Variants in SOD3 observed in about 807,000 individuals in gnomAD.
SOD3 encodes extracellular superoxide dismutase [Cu-Zn].
In SOD3, 3 loss-of-function variants were observed where a neutral mutation model predicts 2.6. That is an observed-to-expected ratio of 1.13 (90% confidence interval 0.52 to 2.93). The LOEUF (loss-of-function observed/expected upper bound fraction) is 2.93. Ranked by LOEUF, SOD3 falls within the 30% of genes most tolerant of loss-of-function variation. The pLI, the probability that SOD3 is intolerant of heterozygous loss-of-function variation, is 0.04. For synonymous variants in SOD3, 188 were observed against 177.5 expected, an observed-to-expected ratio of 1.06 and a Z score of -0.47; for missense variants, 379 against 370.4, an observed-to-expected ratio of 1.02 and a Z score of -0.19.
Position 24,799,838 on chromosome 4 carries a change from C to A in SOD3, c.317C>A (p.Pro106Gln), listed in dbSNP as rs768544851. 3 of 1,601,510 alleles carry A rather than the reference C, an allele frequency of 1.9e-6. No individual in the cohort carries two copies. The change falls in exon 2 of 2, where the codon CCG (proline) becomes CAG (glutamine). Residue 106 changes from proline (P) to glutamine (Q), a missense_variant. Pro to Gln is a moderately conservative substitution (Grantham distance 76). Coordinates refer to ENST00000382120, the MANE Select transcript of SOD3 (RefSeq NM_003102.4). ...GCCCTGGAGGGCTTCCCGACCGAGC[C>A]GAACAGCTCCAGCCGCGCCATCCAC... ...FFALEGFPTE[P>Q]NSSSRAIHVH...
chr4:24,799,574 C>A lies in SOD3; in HGVS notation c.53C>A (p.Ala18Asp), dbSNP rs1372615788. 1 of 1,602,596 alleles carries A rather than the reference C, an allele frequency of 6.2e-7. No homozygotes were observed. Among genetic ancestry groups the A allele is most frequent in the African/African-American group, 1.3e-5 (1 of 74,892 alleles). Residue 18 changes from alanine (A) to aspartate (D), a missense_variant, in exon 2 of 2, where the codon GCC becomes GAC. Ala to Asp is a moderately radical substitution (Grantham distance 126, BLOSUM62 -2). Transcript: ENST00000382120. ...CTCCTGGCAGCCGGTGCCTCGGACG[C>A]CTGGACGGGCGAGGACTCGGCGGAG... The part of the protein sequence containing the change: ...CLLLAAGASD[A>D]WTGEDSAEPN...
rs765929326 is a variant in SOD3, at chr4:24,799,511, C to T, written c.-11C>T. The T allele has an allele frequency of 3.8e-6, 6 of 1,597,036 alleles. No individual in the cohort carries two copies. Among genetic ancestry groups the T allele is most frequent in the African/African-American group, 1.3e-5 (1 of 74,872 alleles). ...TCCGCGGGGGCGTCCCGCAGGTGCCCGACTCCAGCCATGCTGGCGCTACTG... is the reference window on the plus strand; with the variant it reads ...TCCGCGGGGGCGTCCCGCAGGTGCCTGACTCCAGCCATGCTGGCGCTACTG... On this transcript the variant is annotated 5_prime_UTR_variant, in exon 2 of 2. Transcript: ENST00000382120.
chr4:24,797,469 C>T (rs1366199591), intron 1 of SOD3, among the ~76,000 whole-genome samples: 1 of 152,182 alleles, frequency 6.6e-6, no homozygotes, highest in Non-Finnish European at 1.5e-5. Context: ...TGTCTGGCGC[C>T]TGTGTTCGAT....
chr4:24,799,370 A>G, intron 1 of SOD3, 136 bp from the exon 2 acceptor site: 7 of 1,004,926 alleles, frequency 7.0e-6, no homozygotes, highest in Non-Finnish European at 9.9e-6. Context: ...CGTTTGCCAC[A>G]TGAAGTCATG....
Position 24,800,493 on chromosome 4 carries a change from C to G in SOD3, c.*249C>G. 1 of 371,290 alleles carries G rather than the reference C, an allele frequency of 2.7e-6. No homozygotes were observed. The highest frequency in any genetic ancestry group is 5.0e-6 in the Non-Finnish European group (1 of 200,502). 23.0% of individuals were successfully genotyped at this position (371,290 alleles called of 1,614,324 possible). The stretch of plus-strand genomic sequence containing the variant: ...GAAGGCCTCCATTTGTACCGAAACA[C>G]CCCGCTCACGCTGACAGCCTCCTAG... On this transcript the variant is annotated 3_prime_UTR_variant, in exon 2 of 2. Coordinates refer to ENST00000382120, the MANE Select transcript of SOD3 (RefSeq NM_003102.4).
chr4:24,799,982 G>A lies in SOD3; in HGVS notation c.461G>A (p.Gly154Asp). The A allele has an allele frequency of 5.7e-6, 9 of 1,582,454 alleles. No homozygotes were observed. Among genetic ancestry groups the A allele is most frequent in the Non-Finnish European group, 7.7e-6 (9 of 1,172,550 alleles). Reference sequence around the variant, plus strand: ...TTCGGCAACTTCGCGGTCCGCGACGGCAGCCTCTGGAGGTACCGCGCCGGC... The same window carrying A: ...TTCGGCAACTTCGCGGTCCGCGACGACAGCCTCTGGAGGTACCGCGCCGGC... ...GDFGNFAVRD[G>D]SLWRYRAGLA... is the part of the protein sequence containing the mutation. Residue 154 changes from glycine (G) to aspartate (D), a missense_variant, in exon 2 of 2, where the codon GGC becomes GAC. Coordinates refer to ENST00000382120, the MANE Select transcript of SOD3 (RefSeq NM_003102.4).
At position 24,800,519 on chromosome 4, in the gene SOD3, G is replaced by C. The variant is rs1713865662; in HGVS notation, c.*275G>C. ...CCCGCTCACGCTGACAGCCTCCTAG[G>C]CTCCCTGAGGTACCTTTCCACCCAG... On this transcript the variant is annotated 3_prime_UTR_variant, in exon 2 of 2. Transcript: ENST00000382120. The C allele has an allele frequency of 9.1e-6, 3 of 331,342 alleles. No individual in the cohort carries two copies. The highest frequency in any genetic ancestry group is 1.7e-5 in the Non-Finnish European group (3 of 174,928). The allele number at this position is 331,342 out of a possible 1,614,324, so 20.5% of individuals were successfully genotyped here. A position where few individuals can be genotyped will look rare whatever the true frequency, so the allele number is the denominator to read the frequency against.
intron 1 of SOD3, among the ~76,000 whole-genome samples, chr4:24,798,205 T>G (rs17882785): frequency 0.022 from 3,407 of 152,164 alleles, 118 homozygotes; most frequent in African/African-American, 0.075. Flanking sequence ...CCCTGCCAGC[T>G]TCATCTCCTC....
In SOD3 at chr4:24,799,612, T is replaced by C. The variant is rs1271638740; in HGVS notation, c.91T>C (p.Ser31Pro). Residue 31 changes from serine to proline, a missense_variant, in exon 2 of 2, where the codon TCG becomes CCG. Ser to Pro is a moderately conservative substitution (Grantham distance 74). Coordinates refer to ENST00000382120, the MANE Select transcript of SOD3 (RefSeq NM_003102.4). The part of the protein sequence containing the change: ...GEDSAEPNSD[S>P]AEWIRDMYAK... ...GGACTCGGCGGAGCCCAACTCTGAC[T>C]CGGCGGAGTGGATCCGAGACATGTA... 11 of 1,604,528 alleles carry C rather than the reference T, an allele frequency of 6.9e-6. No homozygotes were observed. The highest frequency in any genetic ancestry group is 6.7e-5 in the East Asian group (3 of 44,694).
At chr4:24,797,566 G>GAAAACT (rs1713708586) in intron 1 of SOD3, among the ~76,000 whole-genome samples, 1 of 152,208 alleles carries the variant, frequency 6.6e-6, no homozygotes, top group Admixed American at 6.5e-5. Context: ...TTACAGATGA[G>GAAAACT]AAAACTGAGG....
At position 24,800,213 on chromosome 4, in the gene SOD3, G is replaced by C; in HGVS notation, c.692G>C (p.Arg231Pro). The change falls in exon 2 of 2, where the codon CGG becomes CCG. Residue 231 changes from arginine to proline, a missense_variant. Coordinates refer to ENST00000382120, the MANE Select transcript of SOD3 (RefSeq NM_003102.4). The stretch of plus-strand genomic sequence containing the variant: ...CGGGAGCACTCAGAGCGCAAGAAGC[G>C]GCGGCGCGAGAGCGAGTGCAAGGCC... ...QAREHSERKK[R>P]RRESECKAA 3 of 1,431,644 alleles carry C rather than the reference G, an allele frequency of 2.1e-6. No homozygotes were observed. The highest frequency in any genetic ancestry group is 2.7e-6 in the Non-Finnish European group (3 of 1,098,046). 88.7% of individuals were successfully genotyped at this position (1,431,644 alleles called of 1,614,324 possible). A position where few individuals can be genotyped will look rare whatever the true frequency, so the allele number is the denominator to read the frequency against.
intron 1 of SOD3, 50 bp from the exon 2 acceptor site, chr4:24,799,456 C>G: frequency 6.4e-7 from 1 of 1,567,724 alleles, no homozygotes; most frequent in Non-Finnish European, 8.6e-7. Flanking sequence ...TTCTATGTTT[C>G]ACGTGACTAA....
chr4:24,799,733 T>G lies in SOD3; in HGVS notation c.212T>G (p.Leu71Arg). Residue 71 changes from leucine to arginine, a missense_variant, in exon 2 of 2, where the codon CTG becomes CGG. Transcript: ENST00000382120. ...AACQVQPSAT[L>R]DAAQPRVTGV... ...TGCCAGGTGCAGCCGTCGGCCACGC[T>G]GGACGCCGCGCAGCCCCGGGTGACC... is the stretch of plus-strand genomic sequence containing the variant. 1 of 1,562,710 alleles carries G rather than the reference T, an allele frequency of 6.4e-7. No homozygotes were observed. Among genetic ancestry groups the G allele is most frequent in the Non-Finnish European group, 8.6e-7 (1 of 1,159,706 alleles).
Position 24,800,386 on chromosome 4 carries a change from A to C in SOD3, c.*142A>C. ...AGTCTCCCCGCAGCCCTCTCCACCCAGAGGTCTCCCTATACCGAGACCCAC... is the reference window on the plus strand; with the variant it reads ...AGTCTCCCCGCAGCCCTCTCCACCCCGAGGTCTCCCTATACCGAGACCCAC... On this transcript the variant is annotated 3_prime_UTR_variant, in exon 2 of 2. Coordinates refer to ENST00000382120, the MANE Select transcript of SOD3 (RefSeq NM_003102.4). 1.1e-6 allele frequency: 1 copy of C among 890,990 alleles called. No homozygotes were observed. Among genetic ancestry groups the C allele is most frequent in the Non-Finnish European group, 1.5e-6 (1 of 652,168 alleles). The allele number at this position is 890,990 out of a possible 1,614,324, so 55.2% of individuals were successfully genotyped here.
chr4:24,799,410 TGG>T, intron 1 of SOD3, 94 bp from the exon 2 acceptor site: 1 of 1,419,730 alleles, frequency 7.0e-7, no homozygotes, highest in Non-Finnish European at 9.4e-7. Context: ...CACTGGGGAC[TGG>T]GGGGTTGGTT....
At chr4:24,799,430 A>G in intron 1 of SOD3, 76 bp from the exon 2 acceptor site, 1 of 1,511,868 alleles carries the variant, frequency 6.6e-7, no homozygotes. Context: ...GTTCTGCGAT[A>G]ATGGGGTCCC....
intron 1 of SOD3, among the ~76,000 whole-genome samples, chr4:24,796,421 C>T (rs1256005803): frequency 6.8e-6 from 1 of 147,940 alleles, no homozygotes; most frequent in Non-Finnish European, 1.5e-5. Context: ...TTTCCTCCTC[C>T]TCCTCCTTCT....
rs1356356589 is a variant in SOD3, at chr4:24,799,853, G to C, written c.332G>C (p.Arg111Pro). The C allele has an allele frequency of 1.2e-6, 2 of 1,602,656 alleles. No individual in the cohort carries two copies. Among genetic ancestry groups the C allele is most frequent in the Non-Finnish European group, 1.7e-6 (2 of 1,179,230 alleles). ...CCGACCGAGCCGAACAGCTCCAGCC[G>C]CGCCATCCACGTGCACCAGTTCGGG... ...GFPTEPNSSS[R>P]AIHVHQFGDL... Residue 111 changes from arginine to proline, a missense_variant, in exon 2 of 2, where the codon CGC (arginine) becomes CCC (proline). Transcript: ENST00000382120.
chr4:24,796,663 A>G (rs1359352949), intron 1 of SOD3, among the ~76,000 whole-genome samples: 2 of 143,422 alleles, frequency 1.4e-5, no homozygotes, highest in African/African-American at 5.4e-5. Context: ...GGTCTCTACC[A>G]GGTTGGTCTC....
Sources: allele counts gnomAD v4.1 joint callset (sites outside exome capture counted in the v4.1 genomes callset), GRCh38; gene constraint gnomAD v4.1.1; transcripts MANE v1.5; gene names NCBI Gene and HGNC (gene_info 2026-07-23, HGNC 2026-07-21).